Variants in TAFA1 observed in about 807,000 individuals in gnomAD.
TAFA1 encodes the protein TAFA chemokine like family member 1.
A neutral mutation model predicts 18.5 loss-of-function variants in TAFA1; 4 were observed. The ratio of observed to expected loss-of-function variants is 0.22; its 90% CI spans 0.11 to 0.49. TAFA1 has a LOEUF of 0.49. Among genes scored for constraint, TAFA1 ranks in the 20% least tolerant of loss-of-function variants. The pLI is 0.98. For missense variants in TAFA1, 147 were observed against 169.0 expected, an observed-to-expected ratio of 0.87 and a Z score of 0.72; for synonymous variants, 56 against 55.2, an observed-to-expected ratio of 1.01 and a Z score of -0.06.
At chr3:68,273,866 C>A (rs182497204) in intron 2 of TAFA1, among the ~76,000 whole-genome samples, 2 of 152,076 alleles carry the variant, frequency 1.3e-5, no homozygotes, top group Non-Finnish European at 2.9e-5. Context: ...TTTCACTGTC[C>A]GTAACATGAG....
intron 3 of TAFA1, among the ~76,000 whole-genome samples, chr3:68,493,279 T>C (rs1279405245): frequency 6.6e-6 from 1 of 152,210 alleles, no homozygotes; most frequent in East Asian, 1.9e-4. Flanking sequence ...TCACTTAGCA[T>C]AAAGTCCTCA....
intron 2 of TAFA1, among the ~76,000 whole-genome samples, chr3:68,401,558 G>C (rs891798378): frequency 6.6e-6 from 1 of 152,118 alleles, no homozygotes; most frequent in African/African-American, 2.4e-5. Context: ...TCTCCTACAG[G>C]CTTTTCCATC....
intron 2 of TAFA1, among the ~76,000 whole-genome samples, chr3:68,289,174 G>T (rs1013392119): frequency 6.6e-6 from 1 of 152,004 alleles, no homozygotes; most frequent in Admixed American, 6.6e-5. Context: ...TAATACATAG[G>T]AATTGTTTAT....
chr3:68,320,236 G>C (rs1250719878), intron 2 of TAFA1, among the ~76,000 whole-genome samples: 1 of 152,150 alleles, frequency 6.6e-6, no homozygotes, highest in Non-Finnish European at 1.5e-5. Flanking sequence ...TGAGAACAAG[G>C]CTTTGGTTTG....
At chr3:68,059,172 T>C (rs1575595552) in intron 2 of TAFA1, among the ~76,000 whole-genome samples, 1 of 152,112 alleles carries the variant, frequency 6.6e-6, no homozygotes, top group East Asian at 1.9e-4. Flanking sequence ...CTATGACTTA[T>C]ATGTCATTTA....
intron 2 of TAFA1, among the ~76,000 whole-genome samples, chr3:68,414,365 C>T (rs189640100): frequency 3.6e-4 from 55 of 152,152 alleles, no homozygotes; most frequent in Admixed American, 2.6e-3. Context: ...GGAGGAGGGG[C>T]GGCTCGGATA....
At chr3:68,358,518 C>T (rs2069407335) in intron 2 of TAFA1, among the ~76,000 whole-genome samples, 1 of 151,928 alleles carries the variant, frequency 6.6e-6, no homozygotes, top group Non-Finnish European at 1.5e-5. Context: ...CTCTCTCAGA[C>T]ACTGTATGAT....
chr3:68,447,862 G>A (rs2071497090), intron 3 of TAFA1, among the ~76,000 whole-genome samples: 1 of 152,172 alleles, frequency 6.6e-6, no homozygotes, highest in African/African-American at 2.4e-5. Context: ...GTAAACAAAA[G>A]AATCAACATG....
chr3:68,102,000 C>T (rs1255764072), intron 2 of TAFA1, among the ~76,000 whole-genome samples: 17 of 151,980 alleles, frequency 1.1e-4, no homozygotes. Flanking sequence ...TAGGGTCAGA[C>T]CAATTTTTTA....
chr3:68,413,294 A>C (rs1197629795), intron 2 of TAFA1, among the ~76,000 whole-genome samples: 1 of 152,146 alleles, frequency 6.6e-6, no homozygotes, highest in Non-Finnish European at 1.5e-5. Context: ...TCAGATAGGT[A>C]GATTGTAAAA....
At chr3:68,355,795 C>A (rs1235263704) in intron 2 of TAFA1, among the ~76,000 whole-genome samples, 1 of 151,882 alleles carries the variant, frequency 6.6e-6, no homozygotes, top group African/African-American at 2.4e-5. Context: ...AGCTAGAAAG[C>A]AATGAAGTGA....
intron 2 of TAFA1, among the ~76,000 whole-genome samples, chr3:68,191,020 C>T (rs1174783521): frequency 1.3e-5 from 2 of 151,710 alleles, no homozygotes; most frequent in African/African-American, 4.8e-5. Context: ...ATCTGCGTAG[C>T]TTGTGAAATT....
intron 2 of TAFA1, among the ~76,000 whole-genome samples, chr3:68,131,427 G>C (rs1315704678): frequency 2.0e-5 from 3 of 152,270 alleles, no homozygotes; most frequent in South Asian, 4.1e-4. Flanking sequence ...GAGGGAAGAA[G>C]AGCACCGTTT....
At chr3:68,515,456 G>A (rs2072907199) in intron 3 of TAFA1, among the ~76,000 whole-genome samples, 1 of 152,088 alleles carries the variant, frequency 6.6e-6, no homozygotes, top group Non-Finnish European at 1.5e-5. Context: ...CTGTTTCCAG[G>A]AAGTATGGTT....
At chr3:68,090,483 C>T (rs2065017292) in intron 2 of TAFA1, among the ~76,000 whole-genome samples, 1 of 152,106 alleles carries the variant, frequency 6.6e-6, no homozygotes, top group Admixed American at 6.6e-5. Context: ...GACATCTTAG[C>T]CAGTGCTGTT....
At chr3:68,436,986 G>A (rs1216202724) in intron 3 of TAFA1, among the ~76,000 whole-genome samples, 1 of 152,028 alleles carries the variant, frequency 6.6e-6, no homozygotes, top group Non-Finnish European at 1.5e-5. Context: ...TTATAAAAGA[G>A]CAAATGTAAC....
intron 2 of TAFA1, among the ~76,000 whole-genome samples, chr3:68,295,099 C>T (rs906461716): frequency 4.9e-5 from 5 of 101,992 alleles, no homozygotes; most frequent in African/African-American, 2.1e-4. Flanking sequence ...CTTCGCTCAA[C>T]CTCCTGAGCC....
At chr3:68,128,378 A>G (rs1364162511) in intron 2 of TAFA1, among the ~76,000 whole-genome samples, 6 of 152,192 alleles carry the variant, frequency 3.9e-5, no homozygotes, top group Non-Finnish European at 7.3e-5. Flanking sequence ...GTTAATGGCT[A>G]TGAGGCAGGA....
chr3:68,338,699 A>G (rs1049635096), intron 2 of TAFA1, among the ~76,000 whole-genome samples: 13 of 152,244 alleles, frequency 8.5e-5, no homozygotes, highest in South Asian at 4.1e-4. Flanking sequence ...GTTGATTTAC[A>G]TAAACTATCA....
Sources: gnomAD v4.1 joint callset for allele counts (sites outside exome capture counted in the v4.1 genomes callset) on GRCh38, gnomAD v4.1.1 for gene constraint, MANE v1.5 for transcripts, NCBI Gene and HGNC (gene_info 2026-07-23, HGNC 2026-07-21) for gene names.